ETHE1: variants seen among roughly 807,000 people sequenced by gnomAD.
The protein encoded by ETHE1 is persulfide dioxygenase ETHE1, mitochondrial.
Under a neutral mutation model 25.7 loss-of-function variants are expected in ETHE1, and 16 were observed. The ratio of observed to expected loss-of-function variants is 0.62; its 90% CI spans 0.42 to 0.95. ETHE1 has a LOEUF of 0.95. ETHE1 is among the 40% of genes least tolerant of loss of function. The probability of loss-of-function intolerance (pLI) is 0.00; values close to 1 mark genes in which losing one functional copy is unlikely to be tolerated. For synonymous variants in ETHE1, 139 were observed against 135.9 expected (o/e 1.02, Z -0.16); for missense variants, 300 against 333.6 (o/e 0.90, Z 0.79).
intron 5 of ETHE1, 116 bp from the exon 6 acceptor site, chr19:43,508,176 T>C: frequency 6.6e-7 from 1 of 1,507,242 alleles, no homozygotes; most frequent in Non-Finnish European, 8.9e-7. Context: ...CCCAGAATAT[T>C]CCTAAAATTG....
chr19:43,516,664 C>T (rs1352051699), intron 3 of ETHE1, among the ~76,000 whole-genome samples: 1 of 138,370 alleles, frequency 7.2e-6, no homozygotes, highest in South Asian at 2.3e-4. Context: ...CTCTCTGTCG[C>T]CCAGGCTGCG....
At chr19:43,509,656 C>T (rs976123164) in intron 4 of ETHE1, among the ~76,000 whole-genome samples, 6 of 151,580 alleles carry the variant, frequency 4.0e-5, no homozygotes, top group African/African-American at 1.5e-4. Flanking sequence ...ATTAGCCTGG[C>T]GTGATGGCGG....
At position 43,526,060 on chromosome 19, in the gene ETHE1, A is replaced by G. The variant is rs111747844; in HGVS notation, c.375+141T>C. 5,632 of 1,309,620 alleles carry G rather than the reference A, an allele frequency of 4.3e-3. 141 individuals are homozygous for G. In the African/African-American group the frequency reaches 0.063, roughly 15 times the overall value. The allele number at this position is 1,309,620 out of a possible 1,614,324, so 81.1% of individuals were successfully genotyped here. ...GGTTTATGGTGCCCCCCTCCCAGAAATATGAGCTCAGGGGTCAGAAACCCA... is the reference window on the plus strand; with the variant it reads ...GGTTTATGGTGCCCCCCTCCCAGAAGTATGAGCTCAGGGGTCAGAAACCCA... On this transcript the variant is annotated intron_variant, in intron 3 of 6. Coordinates refer to ENST00000292147, the MANE Select transcript of ETHE1 (RefSeq NM_014297.5).
At chr19:43,519,403 A>G (rs1972095805) in intron 3 of ETHE1, among the ~76,000 whole-genome samples, 1 of 152,180 alleles carries the variant, frequency 6.6e-6, no homozygotes, top group African/African-American at 2.4e-5. Context: ...AACATATAAC[A>G]TCTTGACCTA....
chr19:43,526,817 C>A lies in ETHE1; in HGVS notation c.82-158G>T, dbSNP rs897757752. ...CGGGAGTCCGGAGCCCCACTACCTTCCCCTATCAGAACAAAAGAGTTCCAA... is the reference window on the plus strand; with the variant it reads ...CGGGAGTCCGGAGCCCCACTACCTTACCCTATCAGAACAAAAGAGTTCCAA... On this transcript the variant is annotated intron_variant, in intron 1 of 6. Transcript: ENST00000292147. The A allele has an allele frequency of 2.5e-5, 38 of 1,505,252 alleles. No individual in the cohort carries two copies. In the Admixed American group the frequency reaches 3.7e-4, roughly 15 times the overall value. The allele number at this position is 1,505,252 out of a possible 1,614,324, so 93.2% of individuals were successfully genotyped here.
At chr19:43,511,719 A>G (rs1971922766) in intron 3 of ETHE1, among the ~76,000 whole-genome samples, 153 bp from the exon 4 acceptor site, 1 of 152,244 alleles carries the variant, frequency 6.6e-6, no homozygotes, top group African/African-American at 2.4e-5. Context: ...TTATCAGAGT[A>G]AACTCCAAGT....
intron 1 of ETHE1, 144 bp downstream of exon 1, chr19:43,526,953 A>G (rs1972264264): frequency 5.3e-6 from 8 of 1,520,160 alleles, no homozygotes; most frequent in Non-Finnish European, 6.2e-6. Flanking sequence ...AGGACCCAAG[A>G]GTCCAGCCCT....
intron 3 of ETHE1, among the ~76,000 whole-genome samples, chr19:43,514,115 T>C (rs1568494818): frequency 6.6e-6 from 1 of 151,958 alleles, no homozygotes; most frequent in Non-Finnish European, 1.5e-5. Context: ...GGTTTTGAAA[T>C]GTGAGGACAT....
chr19:43,512,434 G>A (rs1428936683), intron 3 of ETHE1, among the ~76,000 whole-genome samples: 3 of 152,130 alleles, frequency 2.0e-5, no homozygotes, highest in Non-Finnish European at 2.9e-5. Context: ...TGGGAACTGG[G>A]GTAAAGGTCA....
chr19:43,507,402 C>T (rs1971802961), intron 6 of ETHE1, among the ~76,000 whole-genome samples: 1 of 61,702 alleles, frequency 1.6e-5, no homozygotes. Flanking sequence ...GCTCCTCCTC[C>T]CCCAGTCCCT....
At chr19:43,519,246 G>A (rs965552532) in intron 3 of ETHE1, among the ~76,000 whole-genome samples, 7 of 151,870 alleles carry the variant, frequency 4.6e-5, no homozygotes, top group Non-Finnish European at 7.4e-5. Flanking sequence ...TCCTGACCTC[G>A]GGTGATCCGC....
intron 4 of ETHE1, 75 bp from the exon 5 acceptor site, chr19:43,508,939 A>T: frequency 8.8e-7 from 1 of 1,133,616 alleles, no homozygotes; most frequent in Non-Finnish European, 1.3e-6. Flanking sequence ...AGAAAAGGGT[A>T]GGAGGATAAA....
In ETHE1 at chr19:43,526,181, G is replaced by T. The variant is rs1972240143; in HGVS notation, c.375+20C>A. 1 of 1,614,074 alleles carries T rather than the reference G, an allele frequency of 6.2e-7. No individual in the cohort carries two copies. The highest frequency in any genetic ancestry group is 1.3e-5 in the African/African-American group (1 of 75,026). On this transcript the variant is annotated intron_variant, in intron 3 of 6. Coordinates refer to ENST00000292147, the MANE Select transcript of ETHE1 (RefSeq NM_014297.5). ...GAAGTCCAGGCCACCACCCTCTTGG[G>T]GACCCAGCACCCAACTCACGAAGCG...
At chr19:43,517,625 A>AT (rs1972047877) in intron 3 of ETHE1, among the ~76,000 whole-genome samples, 1 of 151,818 alleles carries the variant, frequency 6.6e-6, no homozygotes, top group Non-Finnish European at 1.5e-5. Flanking sequence ...AAACATACAA[A>AT]TATTAGTCAG....
chr19:43,522,104 CT>C (rs1450820559), intron 3 of ETHE1, among the ~76,000 whole-genome samples: 1 of 152,120 alleles, frequency 6.6e-6, no homozygotes, highest in African/African-American at 2.4e-5. Flanking sequence ...ATCATTTTAA[CT>C]TTTTTTCACA....
At chr19:43,508,201 T>C (rs1232889818) in intron 5 of ETHE1, 141 bp from the exon 6 acceptor site, 1 of 1,350,408 alleles carries the variant, frequency 7.4e-7, no homozygotes, top group Non-Finnish European at 1.0e-6. Flanking sequence ...CCCTCCTCCA[T>C]GGACACTATG....
intron 3 of ETHE1, 184 bp downstream of exon 3, chr19:43,526,017 G>T: frequency 1.3e-6 from 1 of 771,738 alleles, no homozygotes; most frequent in Non-Finnish European, 2.1e-6. Context: ...AGAGCCTCTT[G>T]CCCCAGTGCC....
At chr19:43,511,687 A>C in intron 3 of ETHE1, 121 bp from the exon 4 acceptor site, 1 of 1,107,868 alleles carries the variant, frequency 9.0e-7, no homozygotes, top group South Asian at 1.5e-5. Flanking sequence ...AAAAATGTAG[A>C]TTCCCAGGCT....
At chr19:43,518,819 G>A (rs1972077277) in intron 3 of ETHE1, among the ~76,000 whole-genome samples, 1 of 150,760 alleles carries the variant, frequency 6.6e-6, no homozygotes, top group African/African-American at 2.4e-5. Context: ...TTGTAAAAGA[G>A]GAAGTCTCAA....
Sources: allele counts gnomAD v4.1 joint callset (sites outside exome capture counted in the v4.1 genomes callset), GRCh38; gene constraint gnomAD v4.1.1; transcripts MANE v1.5; gene names NCBI Gene and HGNC (gene_info 2026-07-23, HGNC 2026-07-21).